The following LRRC8B variants were observed in gnomAD, a reference collection of about 807,000 sequenced individuals.
LRRC8B encodes volume-regulated anion channel subunit LRRC8B.
In LRRC8B, 23 loss-of-function variants were observed where a neutral mutation model predicts 58.8. The ratio of observed to expected loss-of-function variants is 0.39; its 90% CI spans 0.28 to 0.55. The LOEUF (loss-of-function observed/expected upper bound fraction) is 0.55, where lower values mean the gene tolerates loss of function less well. Ranked by LOEUF, LRRC8B falls within the 20% of genes least tolerant of loss-of-function variation. The pLI is 0.62. For synonymous variants in LRRC8B, 359 were observed against 374.1 expected, an observed-to-expected ratio of 0.96 and a Z score of 0.47; for missense variants, 694 against 936.0, an observed-to-expected ratio of 0.74 and a Z score of 3.37.
At chr1:89,571,141 A>G (rs540847231) in intron 3 of LRRC8B, among the ~76,000 whole-genome samples, 29 of 152,168 alleles carry the variant, frequency 1.9e-4, no homozygotes, top group African/African-American at 5.1e-4. Context: ...AAGTTTAGCA[A>G]TGTGATGCCT....
chr1:89,586,329 T>C (rs1176065446), intron 5 of LRRC8B, among the ~76,000 whole-genome samples: 1 of 152,250 alleles, frequency 6.6e-6, no homozygotes, highest in Non-Finnish European at 1.5e-5. Context: ...CATTTAATTA[T>C]GCAGGTGATT....
intron 1 of LRRC8B, among the ~76,000 whole-genome samples, chr1:89,542,207 G>C (rs1651053156): frequency 6.6e-6 from 1 of 152,186 alleles, no homozygotes; most frequent in Non-Finnish European, 1.5e-5. Context: ...GACTAGAGAA[G>C]AGTGTCATCT....
At chr1:89,531,587 G>C (rs191324058) in intron 1 of LRRC8B, among the ~76,000 whole-genome samples, 2 of 152,260 alleles carry the variant, frequency 1.3e-5, no homozygotes, top group African/African-American at 4.8e-5. Context: ...AGAATAGATG[G>C]TAAATGTTTC....
chr1:89,569,677 G>T (rs1653303098), intron 3 of LRRC8B, among the ~76,000 whole-genome samples: 1 of 152,060 alleles, frequency 6.6e-6, no homozygotes, highest in Non-Finnish European at 1.5e-5. Flanking sequence ...ATTCCATGGT[G>T]TATACGTATC....
intron 1 of LRRC8B, among the ~76,000 whole-genome samples, chr1:89,529,759 A>G (rs186852299): frequency 1.8e-4 from 28 of 152,338 alleles, no homozygotes; most frequent in Non-Finnish European, 3.2e-4. Flanking sequence ...GGAATGGTTA[A>G]TGATACAGAA....
At chr1:89,572,500 C>G (rs1268927608) in intron 3 of LRRC8B, 1 of 152,156 alleles carries the variant, frequency 6.6e-6, no homozygotes, top group South Asian at 2.1e-4. Flanking sequence ...TAGATTCAGT[C>G]TTTTTATATA....
At chr1:89,579,881 T>C (rs1268285654) in intron 4 of LRRC8B, among the ~76,000 whole-genome samples, 193 bp downstream of exon 4, 3 of 152,240 alleles carry the variant, frequency 2.0e-5, no homozygotes, top group Non-Finnish European at 4.4e-5. Flanking sequence ...AACATGAATT[T>C]AGAGCTGAAA....
chr1:89,538,169 G>GCTA (rs1650677366), intron 1 of LRRC8B, among the ~76,000 whole-genome samples: 1 of 152,308 alleles, frequency 6.6e-6, no homozygotes, highest in East Asian at 1.9e-4. Flanking sequence ...TGTAATCCCA[G>GCTA]CTACTCAGGA....
At chr1:89,543,158 C>T (rs1651145123) in intron 1 of LRRC8B, among the ~76,000 whole-genome samples, 2 of 152,174 alleles carry the variant, frequency 1.3e-5, no homozygotes, top group African/African-American at 2.4e-5. Flanking sequence ...GTTCAATCTT[C>T]ACATTTTCTG....
At chr1:89,565,715 T>C (rs1014425288) in intron 1 of LRRC8B, among the ~76,000 whole-genome samples, 1 of 152,200 alleles carries the variant, frequency 6.6e-6, no homozygotes, top group Non-Finnish European at 1.5e-5. Flanking sequence ...CTTCATTTAC[T>C]CAACAATGAT....
chr1:89,575,686 CT>C (rs35418951), intron 3 of LRRC8B, among the ~76,000 whole-genome samples: 29,139 of 152,044 alleles, frequency 0.19, 3,491 homozygotes, highest in Admixed American at 0.31. Context: ...GTTAGGGGAT[CT>C]TTTTCATTTT....
chr1:89,593,419 A>T lies in LRRC8B; in HGVS notation c.*376A>T, dbSNP rs535675069. 1 of 164,208 alleles carries T rather than the reference A, an allele frequency of 6.1e-6. No homozygotes were observed. The highest frequency in any genetic ancestry group is 1.3e-5 in the Non-Finnish European group (1 of 75,014). The allele number at this position is 164,208 out of a possible 1,614,324, so 10.2% of individuals were successfully genotyped here. A position where few individuals can be genotyped will look rare whatever the true frequency, so the allele number is the denominator to read the frequency against. ...TGCTCCAGGGCTTTAAATGAGAAGT[A>T]AAATTTTCTAAGTTAATAAAGATGA... is the stretch of plus-strand genomic sequence containing the variant. On this transcript the variant is annotated 3_prime_UTR_variant, in exon 6 of 6. Coordinates refer to ENST00000330947, the MANE Select transcript of LRRC8B (RefSeq NM_001369817.2).
intron 4 of LRRC8B, among the ~76,000 whole-genome samples, chr1:89,581,929 A>G (rs1654254053): frequency 6.6e-6 from 1 of 152,246 alleles, no homozygotes; most frequent in Non-Finnish European, 1.5e-5. Context: ...TGGGCATAGA[A>G]TTGTAGACCC....
rs570930521 is a variant in LRRC8B, at chr1:89,593,003, C to G, written c.2372C>G (p.Pro791Arg). 36 of 1,614,028 alleles carry G rather than the reference C, an allele frequency of 2.2e-5. No homozygotes were observed. Among genetic ancestry groups the G allele is most frequent in the Non-Finnish European group, 3.0e-5 (35 of 1,179,998 alleles). The change falls in exon 6 of 6, where the codon CCT becomes CGT. Residue 791 changes from proline to arginine, a missense_variant. By Grantham distance (103) the Pro-to-Arg change is moderately radical. Around this residue, in one of 5 missense-constraint regions of LRRC8B, gnomAD observed 139 missense variants for 158.2 expected, o/e 0.88. Coordinates refer to ENST00000330947, the MANE Select transcript of LRRC8B (RefSeq NM_001369817.2). ...AACTTGCTCAATACTCTTCCTCTCC[C>G]TGTAACAGAACGTTTACAGACGTGC... ...EENLLNTLPLPVTERLQTCLD... is the reference protein window; with the variant it reads ...EENLLNTLPLRVTERLQTCLD...
At chr1:89,526,056 A>C (rs1392646734) in intron 1 of LRRC8B, among the ~76,000 whole-genome samples, 2 of 152,236 alleles carry the variant, frequency 1.3e-5, no homozygotes, top group Admixed American at 6.5e-5. Context: ...AGAAATCTTA[A>C]AACAGATTTA....
intron 3 of LRRC8B, among the ~76,000 whole-genome samples, chr1:89,573,537 T>G (rs1653623441): frequency 6.6e-6 from 1 of 152,144 alleles, no homozygotes; most frequent in African/African-American, 2.4e-5. Context: ...TACTACAGTT[T>G]TGGGTCAGAA....
intron 1 of LRRC8B, among the ~76,000 whole-genome samples, chr1:89,535,417 T>A (rs1241656358): frequency 6.6e-6 from 1 of 152,174 alleles, no homozygotes; most frequent in East Asian, 1.9e-4. Context: ...GGCTGGAGCC[T>A]GTAATCCCAG....
At chr1:89,531,718 C>T (rs572977419) in intron 1 of LRRC8B, among the ~76,000 whole-genome samples, 16 of 152,300 alleles carry the variant, frequency 1.1e-4, no homozygotes, top group South Asian at 1.0e-3. Context: ...ACAAATCTCC[C>T]GAACAAATGA....
At chr1:89,544,281 G>A (rs889912160) in intron 1 of LRRC8B, among the ~76,000 whole-genome samples, 3 of 152,098 alleles carry the variant, frequency 2.0e-5, no homozygotes, top group African/African-American at 7.2e-5. Context: ...GTTACACATG[G>A]TAAAGTCGTA....
Sources: gnomAD v4.1 joint callset for allele counts (sites outside exome capture counted in the v4.1 genomes callset) on GRCh38, gnomAD v4.1.1 for gene constraint, gnomAD v4.1.1 regional missense constraint, MANE v1.5 for transcripts, NCBI Gene and HGNC (gene_info 2026-07-23, HGNC 2026-07-21) for gene names.